The following PCDH11Y variants were observed in gnomAD, a reference collection of about 807,000 sequenced individuals.
PCDH11Y encodes the protein protocadherin-11 Y-linked.
For missense variants in PCDH11Y, 12 were observed against 224.8 expected (o/e 0.05, Z 6.05); for synonymous variants, 9 against 83.6 (o/e 0.11, Z 4.87).
At position 5,357,103 on chromosome Y, in the gene PCDH11Y, C is replaced by T. The variant is rs2053167849; in HGVS notation, c.3130-143954C>T. On this transcript the variant is annotated intron_variant, in intron 2 of 4. Transcript: ENST00000400457. ...ACTTGGTAGGCTGAGGCAGGAGAAT[C>T]GCTTGAACCCGGGAGGCAGAGGTTG... is the stretch of plus-strand genomic sequence containing the variant. Among the ~76,000 whole-genome samples, 4 of 27,266 alleles carry T rather than the reference C, an allele frequency of 1.5e-4. No individual in the cohort carries two copies. The South Asian group carries it at 3.6e-3, about 24-fold the overall frequency. The allele number at this position is 27,266 out of a possible 37,273, so 73.2% of individuals were successfully genotyped here.
chrY:5,203,389 C>T, intron 2 of PCDH11Y, among the ~76,000 whole-genome samples: 1 of 27,312 alleles, frequency 3.7e-5, no homozygotes, highest in Non-Finnish European at 8.1e-5. Context: ...TCATTTTTCT[C>T]AGTTTCCAGG....
At chrY:5,003,669 G>T (rs2052535373) in intron 1 of PCDH11Y, among the ~76,000 whole-genome samples, 4 of 34,019 alleles carry the variant, frequency 1.2e-4, no homozygotes, top group Admixed American at 1.0e-3. Context: ...AAATTGGGAT[G>T]ATGCAGGAAT....
intron 2 of PCDH11Y, among the ~76,000 whole-genome samples, chrY:5,304,044 G>C (rs1602901502): frequency 6.2e-5 from 2 of 32,304 alleles, no homozygotes; most frequent in African/African-American, 2.4e-4. Context: ...TGTAGTGCAA[G>C]AAGCTCTGAC....
intron 2 of PCDH11Y, among the ~76,000 whole-genome samples, chrY:5,435,844 T>G (rs2053274710): frequency 3.1e-5 from 1 of 32,544 alleles, no homozygotes; most frequent in South Asian, 7.1e-4. Context: ...GTCAGTTGCG[T>G]CTACACCCCA....
At chrY:5,471,861 G>T in intron 2 of PCDH11Y, among the ~76,000 whole-genome samples, 1 of 32,372 alleles carries the variant, frequency 3.1e-5, no homozygotes. Context: ...TCATTTTAGG[G>T]TGATAGCATC....
At chrY:5,566,999 C>G in intron 3 of PCDH11Y, among the ~76,000 whole-genome samples, 1 of 31,361 alleles carries the variant, frequency 3.2e-5, no homozygotes, top group Non-Finnish European at 7.7e-5. Context: ...GAAATGCTAT[C>G]AAATTCAAAA....
chrY:5,295,022 A>T, intron 2 of PCDH11Y, among the ~76,000 whole-genome samples: 3 of 33,773 alleles, frequency 8.9e-5, no homozygotes, highest in African/African-American at 3.5e-4. Flanking sequence ...ACTATTCTAG[A>T]ATAAAAATTT....
intron 3 of PCDH11Y, among the ~76,000 whole-genome samples, chrY:5,575,100 G>A: frequency 1.2e-4 from 4 of 33,267 alleles, no homozygotes; most frequent in African/African-American, 4.7e-4. Flanking sequence ...AAACACTGGA[G>A]AAACTATCCA....
intron 4 of PCDH11Y, among the ~76,000 whole-genome samples, chrY:5,646,233 C>A: frequency 3.0e-5 from 1 of 33,020 alleles, no homozygotes; most frequent in African/African-American, 1.2e-4. Flanking sequence ...TGAAATAAAC[C>A]AGGTGCAGAA....
At chrY:5,229,410 G>C in intron 2 of PCDH11Y, among the ~76,000 whole-genome samples, 4 of 24,843 alleles carry the variant, frequency 1.6e-4, no homozygotes. Context: ...CCACCTCCCA[G>C]GTTCACGCCA....
chrY:5,162,554 C>T, intron 2 of PCDH11Y, among the ~76,000 whole-genome samples: 1 of 32,639 alleles, frequency 3.1e-5, no homozygotes, highest in Non-Finnish European at 7.6e-5. Flanking sequence ...AAACTGAGAG[C>T]TGACACAAAT....
chrY:5,651,911 C>T, intron 4 of PCDH11Y, among the ~76,000 whole-genome samples: 1 of 31,217 alleles, frequency 3.2e-5, no homozygotes, highest in Non-Finnish European at 7.8e-5. Flanking sequence ...GAATAGAAAA[C>T]TCCACCAATT....
At chrY:5,461,622 C>T in intron 2 of PCDH11Y, among the ~76,000 whole-genome samples, 1 of 33,432 alleles carries the variant, frequency 3.0e-5, no homozygotes. Context: ...ATCTAAGAGG[C>T]TTCTGGGTAG....
chrY:5,271,643 A>T, intron 2 of PCDH11Y, among the ~76,000 whole-genome samples: 1 of 34,301 alleles, frequency 2.9e-5, no homozygotes, highest in Admixed American at 2.6e-4. Context: ...GGCAAAGAGC[A>T]ATGGTTTATT....
chrY:5,133,836 A>G, intron 2 of PCDH11Y, among the ~76,000 whole-genome samples: 1 of 32,450 alleles, frequency 3.1e-5, no homozygotes, highest in South Asian at 6.9e-4. Context: ...ATCTTTGTCT[A>G]TTCTGAGTCT....
intron 2 of PCDH11Y, among the ~76,000 whole-genome samples, chrY:5,448,561 T>C (rs2053289715): frequency 6.0e-5 from 2 of 33,569 alleles, no homozygotes; most frequent in Non-Finnish European, 1.5e-4. Context: ...AAGTATCTCC[T>C]TTAAACTCCC....
rs2124672327 is a variant in PCDH11Y at position 5,364,271 on chromosome Y, A to G, written c.3130-136786A>G. On this transcript the variant is annotated intron_variant, in intron 2 of 4. Transcript: ENST00000400457. The stretch of plus-strand genomic sequence containing the variant: ...AGAAACTTTATCAGAAAGATAATCT[A>G]TTCAGTGTTGCTGTGAGTCATTTCA... 1.2e-4 allele frequency among the ~76,000 whole-genome samples: 4 copies of G among 33,338 alleles called. No homozygotes were observed. In the East Asian group the frequency reaches 3.2e-3, roughly 26 times the overall value. The allele number at this position is 33,338 out of a possible 37,273, so 89.4% of individuals were successfully genotyped here.
chrY:5,322,995 C>T (rs2124666002), intron 2 of PCDH11Y, among the ~76,000 whole-genome samples: 8 of 32,260 alleles, frequency 2.5e-4, no homozygotes, highest in Middle Eastern at 0.015. Flanking sequence ...AATAAACATA[C>T]GGTTGGTCAT....
At chrY:5,383,731 G>T in intron 2 of PCDH11Y, among the ~76,000 whole-genome samples, 5 of 31,482 alleles carry the variant, frequency 1.6e-4, no homozygotes, top group African/African-American at 6.2e-4. Context: ...CGATTCTCCT[G>T]CCTCAGCCTC....
Sources: gnomAD v4.1 joint callset for allele counts (sites outside exome capture counted in the v4.1 genomes callset) on GRCh38, gnomAD v4.1.1 for gene constraint, MANE v1.5 for transcripts, NCBI Gene and HGNC (gene_info 2026-07-23, HGNC 2026-07-21) for gene names.